The following USP49 variants were observed in gnomAD, a reference collection of about 807,000 sequenced individuals.
USP49 encodes the protein ubiquitin specific peptidase 49, also known as ubiquitin carboxyl-terminal hydrolase 49.
USP49 carries 24 observed loss-of-function variants against 58.6 expected under a neutral mutation model. The ratio of observed to expected loss-of-function variants is 0.41; its 90% CI spans 0.30 to 0.58. The LOEUF is 0.58. Among genes scored for constraint, USP49 ranks in the 20% least tolerant of loss-of-function variants. The pLI, the probability that USP49 is intolerant of heterozygous loss-of-function variation, is 0.30. For missense variants in USP49, 703 were observed against 866.1 expected (o/e 0.81, Z 2.36); for synonymous variants, 408 against 365.1 (o/e 1.12, Z -1.34).
intron 3 of USP49, among the ~76,000 whole-genome samples, chr6:41,866,830 T>C (rs1163176570): frequency 6.6e-6 from 1 of 152,172 alleles, no homozygotes; most frequent in East Asian, 1.9e-4. Context: ...ATGAAAATTG[T>C]TTTAACTTCA....
At chr6:41,839,060 T>C (rs780176730) in intron 3 of USP49, among the ~76,000 whole-genome samples, 9 of 152,158 alleles carry the variant, frequency 5.9e-5, no homozygotes, top group African/African-American at 9.7e-5. Flanking sequence ...CCCTGGGACA[T>C]AGCAAAAGTG....
intron 3 of USP49, among the ~76,000 whole-genome samples, chr6:41,832,665 C>A (rs1773655380): frequency 6.6e-6 from 1 of 152,088 alleles, no homozygotes; most frequent in African/African-American, 2.4e-5. Context: ...GTATTTTTGG[C>A]AAGCACTTTA....
At chr6:41,853,199 C>T (rs1354807070) in intron 3 of USP49, among the ~76,000 whole-genome samples, 2 of 152,028 alleles carry the variant, frequency 1.3e-5, no homozygotes, top group Non-Finnish European at 2.9e-5. Flanking sequence ...AAAAAAAGAG[C>T]TGGGGGGGAG....
At chr6:41,854,895 C>A (rs142147085) in intron 3 of USP49, among the ~76,000 whole-genome samples, 2 of 152,224 alleles carry the variant, frequency 1.3e-5, no homozygotes, top group African/African-American at 2.4e-5. Context: ...CCCTCAGCCT[C>A]CTGAGTAGCT....
At chr6:41,872,710 A>T (rs1276798409) in intron 2 of USP49, among the ~76,000 whole-genome samples, 1 of 150,790 alleles carries the variant, frequency 6.6e-6, no homozygotes, top group Non-Finnish European at 1.5e-5. Flanking sequence ...AATCCAGGCT[A>T]ACATGGTGAA....
At chr6:41,804,399 A>ACTT (rs1478718641) in intron 4 of USP49, among the ~76,000 whole-genome samples, 1 of 151,990 alleles carries the variant, frequency 6.6e-6, no homozygotes, top group Non-Finnish European at 1.5e-5. Context: ...CCTCCTCTTG[A>ACTT]CTTCAGACCT....
At chr6:41,824,667 T>C (rs947990839) in intron 3 of USP49, among the ~76,000 whole-genome samples, 1 of 152,012 alleles carries the variant, frequency 6.6e-6, no homozygotes, top group African/African-American at 2.4e-5. Context: ...GATCGCGCCA[T>C]TGCACTCCAG....
intron 2 of USP49, among the ~76,000 whole-genome samples, chr6:41,876,412 T>C (rs780498371): frequency 6.6e-6 from 1 of 152,204 alleles, no homozygotes; most frequent in Non-Finnish European, 1.5e-5. Context: ...AGCCATCTAA[T>C]TGAACTTTTT....
At chr6:41,842,352 G>T (rs1434267080) in intron 3 of USP49, among the ~76,000 whole-genome samples, 3 of 151,970 alleles carry the variant, frequency 2.0e-5, no homozygotes, top group Non-Finnish European at 4.4e-5. Context: ...CAGCCTGGGT[G>T]ACAGAGTAAG....
chr6:41,855,183 CTT>C (rs567075350), intron 3 of USP49, among the ~76,000 whole-genome samples: 2 of 143,036 alleles, frequency 1.4e-5, no homozygotes, highest in Admixed American at 1.4e-4. Flanking sequence ...GCTATAGAGA[CTT>C]TTTTTTTTTT....
At chr6:41,828,911 T>C (rs971457235) in intron 3 of USP49, among the ~76,000 whole-genome samples, 6 of 152,124 alleles carry the variant, frequency 3.9e-5, no homozygotes, top group Admixed American at 2.0e-4. Context: ...ATTTATTGAA[T>C]TTATAAACTT....
At chr6:41,815,137 G>C (rs541396026) in intron 3 of USP49, among the ~76,000 whole-genome samples, 39 of 151,948 alleles carry the variant, frequency 2.6e-4, no homozygotes, top group African/African-American at 9.2e-4. Flanking sequence ...AAACAAAAAG[G>C]GGGCCGGGCG....
At chr6:41,869,340 T>C (rs1774375707) in intron 3 of USP49, among the ~76,000 whole-genome samples, 1 of 151,942 alleles carries the variant, frequency 6.6e-6, no homozygotes, top group Non-Finnish European at 1.5e-5. Context: ...AAAGGCCAGC[T>C]GGGTAGCACG....
chr6:41,806,299 G>A lies in USP49; in HGVS notation c.685C>T (p.Leu229Phe), dbSNP rs970104277. 1.6e-5 allele frequency: 26 copies of A among 1,588,318 alleles called. No individual in the cohort carries two copies. The highest frequency in any genetic ancestry group is 2.2e-5 in the Non-Finnish European group (26 of 1,172,708). The change falls in exon 4 of 8, where the codon CTC (leucine) becomes TTC (phenylalanine). Residue 229 changes from leucine to phenylalanine, a missense_variant. Around this residue, in one of 6 missense-constraint regions of USP49, gnomAD observed 376 missense variants for 373.5 expected, o/e 1.01. Coordinates refer to ENST00000682992, the MANE Select transcript of USP49 (RefSeq NM_001286554.2). This position sits in a 1 kb window ranked among gnomAD's most constrained non-coding sequence, Gnocchi z 5.9. ...AGPAASRPAA[L>F]PTSRRVPAAT... ...GCGGGCACTCTGCGTGAGGTAGGGA[G>A]GGCGGCGGGGCGCGAGGCAGCCGGG...
intron 2 of USP49, among the ~76,000 whole-genome samples, chr6:41,885,617 G>A (rs369032132): frequency 1.3e-5 from 2 of 152,180 alleles, no homozygotes; most frequent in South Asian, 4.2e-4. Context: ...TGGCCAACAT[G>A]TCGAAACCTT....
rs575406699 is a variant in USP49, at chr6:41,864,380, T to C, written c.-29+7184A>G. Among the ~76,000 whole-genome samples, 3 of 151,934 alleles carry C rather than the reference T, an allele frequency of 2.0e-5. No homozygotes were observed. In the East Asian group the frequency reaches 5.8e-4, roughly 29 times the overall value. On this transcript the variant is annotated intron_variant, in intron 3 of 7. Coordinates refer to ENST00000682992, the MANE Select transcript of USP49 (RefSeq NM_001286554.2). ...GAGTTCGAGACCGGCCTGGTCAACATGGTGAAACCCTGTCTCTACTAAAAA... is the reference window on the plus strand; with the variant it reads ...GAGTTCGAGACCGGCCTGGTCAACACGGTGAAACCCTGTCTCTACTAAAAA...
At chr6:41,809,062 T>A (rs780660203) in intron 3 of USP49, among the ~76,000 whole-genome samples, 1 of 151,994 alleles carries the variant, frequency 6.6e-6, no homozygotes, top group Non-Finnish European at 1.5e-5. Context: ...CATAGGTGCA[T>A]GCCACTATGC....
At chr6:41,884,045 A>G (rs1249592829) in intron 2 of USP49, among the ~76,000 whole-genome samples, 2 of 151,606 alleles carry the variant, frequency 1.3e-5, no homozygotes, top group Non-Finnish European at 2.9e-5. Flanking sequence ...TTTTTTTTAG[A>G]TGGAGTCTCA....
chr6:41,840,548 A>G (rs1223168130), intron 3 of USP49, among the ~76,000 whole-genome samples: 2 of 152,110 alleles, frequency 1.3e-5, no homozygotes, highest in Non-Finnish European at 2.9e-5. Flanking sequence ...CGGAAATGGG[A>G]AAGAGAGGAG....
Sources: allele counts gnomAD v4.1 joint callset (sites outside exome capture counted in the v4.1 genomes callset), GRCh38; gene constraint gnomAD v4.1.1; regional missense constraint gnomAD v4.1.1; non-coding constraint Gnocchi (gnomAD v3.1); transcripts MANE v1.5; gene names NCBI Gene and HGNC (gene_info 2026-07-23, HGNC 2026-07-21).